EBF1: variants seen among roughly 807,000 people sequenced by gnomAD.
The protein encoded by EBF1 is transcription factor COE1.
In EBF1, 10 loss-of-function variants were observed where a neutral mutation model predicts 68.4. That is an observed-to-expected ratio of 0.15 (90% CI 0.09 to 0.25). The LOEUF is 0.25. Ranked by LOEUF, EBF1 falls within the 10% of genes least tolerant of loss-of-function variation. The probability of loss-of-function intolerance (pLI) is 1.00; values close to 1 mark genes in which losing one functional copy is unlikely to be tolerated. For missense variants in EBF1, 509 were observed against 794.4 expected (o/e 0.64, Z 4.32); for synonymous variants, 298 against 299.8 (o/e 0.99, Z 0.06).
rs1315687738 is a variant in EBF1, at chr5:159,043,427, T to C, written c.554+29969A>G. On this transcript the variant is annotated intron_variant, in intron 6 of 15. Transcript: ENST00000313708. ...TGTAATTTTACCTTTATTTATGTGA[T>C]TCTTTGAATGACTGTCTCTCCCACT... Among the ~76,000 whole-genome samples, 3 of 152,214 alleles carry C rather than the reference T, an allele frequency of 2.0e-5. No homozygotes were observed. The East Asian group carries it at 5.8e-4, about 29-fold the overall frequency.
At chr5:158,750,988 A>C (rs1383517788) in intron 10 of EBF1, among the ~76,000 whole-genome samples, 1 of 152,144 alleles carries the variant, frequency 6.6e-6, no homozygotes, top group East Asian at 1.9e-4. Flanking sequence ...GCCTATTAAC[A>C]TGTTTATGAA....
At chr5:158,708,664 G>A (rs1211025871) in intron 14 of EBF1, among the ~76,000 whole-genome samples, 1 of 152,186 alleles carries the variant, frequency 6.6e-6, no homozygotes, top group Non-Finnish European at 1.5e-5. Context: ...AGGGAAATCA[G>A]AGAAGACTTC....
chr5:158,845,756 C>G (rs1334681499), intron 6 of EBF1, among the ~76,000 whole-genome samples: 1 of 149,316 alleles, frequency 6.7e-6, no homozygotes, highest in East Asian at 2.0e-4. Flanking sequence ...ATAATAATGA[C>G]TACAGCAGCT....
chr5:158,699,922 G>T (rs917994024), intron 15 of EBF1, among the ~76,000 whole-genome samples: 1 of 152,216 alleles, frequency 6.6e-6, no homozygotes, highest in Non-Finnish European at 1.5e-5. Context: ...CTAGGAGGTC[G>T]CAGATAGTGG....
intron 6 of EBF1, among the ~76,000 whole-genome samples, chr5:158,873,615 T>C (rs902368184): frequency 1.3e-5 from 2 of 152,206 alleles, no homozygotes; most frequent in African/African-American, 2.4e-5. Context: ...AAAGTGAATG[T>C]AAACAAAATT....
At chr5:158,946,487 C>G (rs144454345) in intron 6 of EBF1, among the ~76,000 whole-genome samples, 5 of 152,108 alleles carry the variant, frequency 3.3e-5, no homozygotes, top group African/African-American at 1.2e-4. Context: ...CACTCCAGAC[C>G]CTGTTTGCCT....
In EBF1 at chr5:158,972,884, T is replaced by C. The variant is rs529200710; in HGVS notation, c.554+100512A>G. Among the ~76,000 whole-genome samples the C allele has an allele frequency of 2.6e-5, 4 of 152,332 alleles. No homozygotes were observed. In the South Asian group the frequency reaches 8.3e-4, roughly 32 times the overall value. On this transcript the variant is annotated intron_variant, in intron 6 of 15. Coordinates refer to ENST00000313708, the MANE Select transcript of EBF1 (RefSeq NM_024007.5). ...ACTCCCTGCAGGGCCTCACACTGCCTTTCCTGCCCTGTGTTTGCTTCCCCT... is the reference window on the plus strand; with the variant it reads ...ACTCCCTGCAGGGCCTCACACTGCCCTTCCTGCCCTGTGTTTGCTTCCCCT...
intron 6 of EBF1, among the ~76,000 whole-genome samples, chr5:158,895,160 T>G (rs1017800385): frequency 6.6e-6 from 1 of 152,152 alleles, no homozygotes; most frequent in Non-Finnish European, 1.5e-5. Context: ...ACATCAATAA[T>G]AAGTCAGATG....
chr5:158,838,445 C>CA (rs11464337), intron 7 of EBF1, among the ~76,000 whole-genome samples: 73,003 of 110,218 alleles, frequency 0.66, 24,129 homozygotes, highest in South Asian at 0.87. Context: ...GACTCCATCT[C>CA]AAAAAAAAAA....
rs1755759953 is a variant in EBF1 at position 158,696,376 on chromosome 5, T to C, written c.*2735A>G. On this transcript the variant is annotated 3_prime_UTR_variant, in exon 16 of 16. Transcript: ENST00000313708. Reference sequence around the variant, plus strand: ...GCAACAAAACACAAATTATACACATTTTAAAGGCTCTTTGGACTTTCAAGA... The same window carrying C: ...GCAACAAAACACAAATTATACACATCTTAAAGGCTCTTTGGACTTTCAAGA... 4.5e-6 allele frequency: 1 copy of C among 221,870 alleles called. No individual in the cohort carries two copies. Among genetic ancestry groups the C allele is most frequent in the African/African-American group, 2.2e-5 (1 of 44,648 alleles). The allele number at this position is 221,870 out of a possible 1,614,324, so 13.7% of individuals were successfully genotyped here. A position where few individuals can be genotyped will look rare whatever the true frequency, so the allele number is the denominator to read the frequency against.
At chr5:158,728,462 A>C (rs1395087197) in intron 11 of EBF1, among the ~76,000 whole-genome samples, 1 of 152,246 alleles carries the variant, frequency 6.6e-6, no homozygotes, top group Non-Finnish European at 1.5e-5. Flanking sequence ...TTCAAAAGTA[A>C]GTACACAAAA....
intron 6 of EBF1, among the ~76,000 whole-genome samples, chr5:158,977,183 G>A (rs1351114842): frequency 2.0e-5 from 3 of 152,142 alleles, no homozygotes; most frequent in Admixed American, 2.0e-4. Context: ...AGTGAGGCCC[G>A]CCTGACAGCC....
At chr5:159,061,602 C>T (rs188894333) in intron 6 of EBF1, among the ~76,000 whole-genome samples, 1 of 152,312 alleles carries the variant, frequency 6.6e-6, no homozygotes, top group East Asian at 1.9e-4. Flanking sequence ...TCGGCTGCTC[C>T]AGAGGGAGGT....
chr5:158,866,832 T>C (rs1211516726), intron 6 of EBF1, among the ~76,000 whole-genome samples: 3 of 65,420 alleles, frequency 4.6e-5, no homozygotes, highest in Non-Finnish European at 8.6e-5. Context: ...TATATGTATA[T>C]GTATATATAT....
intron 6 of EBF1, among the ~76,000 whole-genome samples, chr5:158,954,237 G>A (rs1283241735): frequency 1.3e-5 from 2 of 151,578 alleles, no homozygotes; most frequent in Admixed American, 6.5e-5. Context: ...AAGACCCACC[G>A]CGAAGCTAAA....
intron 10 of EBF1, among the ~76,000 whole-genome samples, chr5:158,751,571 G>T (rs953473736): frequency 3.3e-5 from 5 of 152,034 alleles, no homozygotes; most frequent in African/African-American, 1.2e-4. Context: ...ATGAATTCTG[G>T]AGTCAGACGG....
At chr5:158,755,168 T>G (rs1769782359) in intron 10 of EBF1, among the ~76,000 whole-genome samples, 1 of 148,480 alleles carries the variant, frequency 6.7e-6, no homozygotes, top group African/African-American at 2.4e-5. Flanking sequence ...TAATGTTTAT[T>G]GTTTTGTTTT....
chr5:159,005,879 A>G (rs530001346), intron 6 of EBF1, among the ~76,000 whole-genome samples: 3 of 152,312 alleles, frequency 2.0e-5, no homozygotes, highest in Admixed American at 6.5e-5. Flanking sequence ...AGGTTAAGCT[A>G]TAGGTTAAGA....
chr5:158,753,310 C>T (rs1434203006), intron 10 of EBF1, among the ~76,000 whole-genome samples: 2 of 152,108 alleles, frequency 1.3e-5, no homozygotes. Flanking sequence ...CTCTCCACAA[C>T]TGTCAGCAAC....
Sources: gnomAD v4.1 joint callset for allele counts (sites outside exome capture counted in the v4.1 genomes callset) on GRCh38, gnomAD v4.1.1 for gene constraint, MANE v1.5 for transcripts, NCBI Gene and HGNC (gene_info 2026-07-23, HGNC 2026-07-21) for gene names.